C9orf43: variants seen among roughly 807,000 people sequenced by gnomAD.
C9orf43 encodes the protein uncharacterized protein C9orf43.
Under a neutral mutation model 59.1 loss-of-function variants are expected in C9orf43, and 45 were observed. The ratio of observed to expected loss-of-function variants is 0.76; its 90% CI spans 0.60 to 0.98. C9orf43 has a LOEUF of 0.98. C9orf43 is among the 50% of genes least tolerant of loss of function. The pLI, the probability that C9orf43 is intolerant of heterozygous loss-of-function variation, is 0.00. For synonymous variants in C9orf43, 203 were observed against 196.8 expected (o/e 1.03, Z -0.26); for missense variants, 533 against 554.9 (o/e 0.96, Z 0.40).
At chr9:113,423,097 C>T (rs1003100223) in intron 6 of C9orf43, among the ~76,000 whole-genome samples, 1 of 152,050 alleles carries the variant, frequency 6.6e-6, no homozygotes, top group Non-Finnish European at 1.5e-5. Context: ...AGTGAGTAAA[C>T]GAATGACCTT....
Position 113,425,093 on chromosome 9 carries a change from T to C in C9orf43, c.865+17T>C. The C allele has an allele frequency of 1.2e-6, 2 of 1,611,656 alleles. No homozygotes were observed. Among genetic ancestry groups the C allele is most frequent in the Non-Finnish European group, 1.7e-6 (2 of 1,178,164 alleles). Reference sequence around the variant, plus strand: ...AGACAGAAGGTAGATTTGCTGTTGCTGCTGGATCTCTAAGCACCATTTTCT... The same window carrying C: ...AGACAGAAGGTAGATTTGCTGTTGCCGCTGGATCTCTAAGCACCATTTTCT... On this transcript the variant is annotated intron_variant, in intron 9 of 13. Coordinates refer to ENST00000374165, the MANE Select transcript of C9orf43 (RefSeq NM_001278629.2).
rs1828619880 is a variant in C9orf43, at chr9:113,422,557, G to A, written c.455G>A (p.Gly152Glu). Residue 152 changes from glycine to glutamate, a missense_variant, in exon 6 of 14, where the codon GGG becomes GAG. By Grantham distance (98) the Gly-to-Glu change is moderately conservative. Coordinates refer to ENST00000374165, the MANE Select transcript of C9orf43 (RefSeq NM_001278629.2). The part of the protein sequence containing the change: ...EETEIHVSQH[G>E]KKKRKNSAVK... ...GTTTTGTTTTTCTCCAGCCAGCATG[G>A]GAAGAAGAAAAGAAAGAACTCGGCA... is the stretch of plus-strand genomic sequence containing the variant. The A allele has an allele frequency of 6.2e-7, 1 of 1,613,796 alleles. No homozygotes were observed. Among genetic ancestry groups the A allele is most frequent in the South Asian group, 1.1e-5 (1 of 91,042 alleles).
At chr9:113,416,838 G>T (rs1218826444) in intron 3 of C9orf43, among the ~76,000 whole-genome samples, 1 of 152,154 alleles carries the variant, frequency 6.6e-6, no homozygotes, top group Non-Finnish European at 1.5e-5. Context: ...ATGACAACCA[G>T]AAATGCCTCC....
intron 1 of C9orf43, among the ~76,000 whole-genome samples, chr9:113,411,350 T>G (rs968779523): frequency 6.6e-6 from 1 of 151,228 alleles, no homozygotes; most frequent in Non-Finnish European, 1.5e-5. Context: ...CAGGTTGGAG[T>G]GCAGTGGCGC....
At chr9:113,427,301 C>G (rs951901498) in intron 11 of C9orf43, among the ~76,000 whole-genome samples, 1 of 152,066 alleles carries the variant, frequency 6.6e-6, no homozygotes, top group Non-Finnish European at 1.5e-5. Flanking sequence ...TTAGCCTCCC[C>G]GGTAGCTGGG....
chr9:113,424,854 C>T (rs1014164905), intron 8 of C9orf43, among the ~76,000 whole-genome samples, 165 bp from the exon 9 acceptor site: 1 of 152,090 alleles, frequency 6.6e-6, no homozygotes, highest in African/African-American at 2.4e-5. Flanking sequence ...GCACTTTGTT[C>T]CCCACACCTT....
Position 113,419,133 on chromosome 9 carries a change from A to C in C9orf43, c.313A>C (p.Ser105Arg). The C allele has an allele frequency of 1.2e-6, 2 of 1,610,438 alleles. No homozygotes were observed. The highest frequency in any genetic ancestry group is 1.7e-6 in the Non-Finnish European group (2 of 1,178,352). The change falls in exon 4 of 14, where the codon AGT (serine) becomes CGT (arginine). Residue 105 changes from serine (S) to arginine (R), a missense_variant. Coordinates refer to ENST00000374165, the MANE Select transcript of C9orf43 (RefSeq NM_001278629.2). ...GRPPKGLPDKSLINCTNRLPK... is the reference protein window; with the variant it reads ...GRPPKGLPDKRLINCTNRLPK... ...GCCTCCGAAGGGTTTACCTGACAAAAGTTTGATCAACTGTACTAACAGACT... is the reference window on the plus strand; with the variant it reads ...GCCTCCGAAGGGTTTACCTGACAAACGTTTGATCAACTGTACTAACAGACT...
In C9orf43 at chr9:113,421,166, G is replaced by A; in HGVS notation, c.409G>A (p.Val137Ile). 1 of 1,613,534 alleles carries A rather than the reference G, an allele frequency of 6.2e-7. No individual in the cohort carries two copies. Among genetic ancestry groups the A allele is most frequent in the Non-Finnish European group, 8.5e-7 (1 of 1,179,656 alleles). ...CCCTGAAGATGTTAGAAATATGGTT[G>A]TATTGTGGATCCCAGAAGAAACAGA... is the stretch of plus-strand genomic sequence containing the variant. Reference protein sequence around the residue: ...PCPEDVRNMVVLWIPEETEIH... With the variant: ...PCPEDVRNMVILWIPEETEIH... The change falls in exon 5 of 14, where the codon GTA becomes ATA. Residue 137 changes from valine to isoleucine, a missense_variant. Transcript: ENST00000374165.
intron 3 of C9orf43, among the ~76,000 whole-genome samples, chr9:113,418,798 A>G (rs1190418088): frequency 6.6e-6 from 1 of 152,178 alleles, no homozygotes; most frequent in Non-Finnish European, 1.5e-5. Flanking sequence ...GAACATCTAC[A>G]TCAAAGTACT....
chr9:113,424,425 C>A, intron 8 of C9orf43, 109 bp downstream of exon 8: 1 of 1,202,474 alleles, frequency 8.3e-7, no homozygotes, highest in Non-Finnish European at 1.2e-6. Context: ...TCTGCCTTTC[C>A]ACTCTGAACC....
In C9orf43 at chr9:113,410,754, G is replaced by T; in HGVS notation, c.-297G>T. The T allele has an allele frequency of 4.9e-6, 1 of 205,352 alleles. No individual in the cohort carries two copies. Among genetic ancestry groups the T allele is most frequent in the South Asian group, 9.4e-5 (1 of 10,690 alleles). 12.7% of individuals were successfully genotyped at this position (205,352 alleles called of 1,614,324 possible). A position where few individuals can be genotyped will look rare whatever the true frequency, so the allele number is the denominator to read the frequency against. The stretch of plus-strand genomic sequence containing the variant: ...GGCGGGGCGGATCCCTTTAGGACCC[G>T]AGGCAGGCTCTGGGCCCGCCGGGTC... On this transcript the variant is annotated 5_prime_UTR_variant, in exon 1 of 14. Transcript: ENST00000374165.
rs1234479345 is a variant in C9orf43, at chr9:113,413,564, G to A, written c.71G>A (p.Cys24Tyr). The change falls in exon 2 of 14, where the codon TGC (cysteine) becomes TAC (tyrosine). Residue 24 changes from cysteine to tyrosine, a missense_variant. Coordinates refer to ENST00000374165, the MANE Select transcript of C9orf43 (RefSeq NM_001278629.2). ...TTGGCTGTTTGTCAGCACCCACAAT[G>A]CTGGGCAACTATCCGCCGCATTGAG... ...CGLAVCQHPQ[C>Y]WATIRRIERG... 2 of 1,614,098 alleles carry A rather than the reference G, an allele frequency of 1.2e-6. No homozygotes were observed. The highest frequency in any genetic ancestry group is 1.7e-6 in the Non-Finnish European group (2 of 1,180,046).
chr9:113,426,871 G>A (rs1172645004), intron 11 of C9orf43, among the ~76,000 whole-genome samples: 1 of 152,176 alleles, frequency 6.6e-6, no homozygotes, highest in Non-Finnish European at 1.5e-5. Flanking sequence ...AGTTGAGAAA[G>A]GCTTTATGGA....
At position 113,413,523 on chromosome 9, in the gene C9orf43, C is replaced by T. The variant is rs763996934; in HGVS notation, c.30C>T (p.Asp10=). The change falls in exon 2 of 14, where the codon GAC becomes GAT. Residue 10 remains aspartate (D), a synonymous_variant. Coordinates refer to ENST00000374165, the MANE Select transcript of C9orf43 (RefSeq NM_001278629.2). ...ACTTGCCAGATGAGAGCCAGTGGGACGAAACCACCTGTGGCTTGGCTGTTT... is the reference window on the plus strand; with the variant it reads ...ACTTGCCAGATGAGAGCCAGTGGGATGAAACCACCTGTGGCTTGGCTGTTT... MDLPDESQW[D]ETTCGLAVCQ... is the part of the protein sequence containing the mutation. The T allele has an allele frequency of 2.7e-5, 44 of 1,613,778 alleles. No homozygotes were observed. Among genetic ancestry groups the T allele is most frequent in the Middle Eastern group, 1.6e-4 (1 of 6,082 alleles).
At position 113,429,252 on chromosome 9, in the gene C9orf43, A is replaced by G. The variant is rs952183507; in HGVS notation, c.1252A>G (p.Arg418Gly). 1.2e-6 allele frequency: 2 copies of G among 1,614,124 alleles called. No homozygotes were observed. Among genetic ancestry groups the G allele is most frequent in the Non-Finnish European group, 1.7e-6 (2 of 1,180,036 alleles). Residue 418 changes from arginine to glycine, a missense_variant, in exon 14 of 14, where the codon AGG becomes GGG. Transcript: ENST00000374165. ...CGCTGTGCCAGAAGCCCAGGCTGCC[A>G]GGCAAAAGAAGATCTCCTTTAACTT... The part of the protein sequence containing the change: ...VDAVPEAQAA[R>G]QKKISFNFSE...
chr9:113,412,663 G>T (rs2119050740), intron 1 of C9orf43, among the ~76,000 whole-genome samples: 1 of 152,306 alleles, frequency 6.6e-6, no homozygotes, highest in South Asian at 2.1e-4. Context: ...GGGATTCCCT[G>T]CCTTCTGCTT....
chr9:113,420,789 G>A lies in C9orf43; in HGVS notation c.346-314G>A, dbSNP rs897134670. The A allele has an allele frequency of 3.3e-5, 33 of 985,228 alleles. No individual in the cohort carries two copies. The African/African-American group carries it at 5.8e-4, about 17-fold the overall frequency. The allele number at this position is 985,228 out of a possible 1,614,324, so 61.0% of individuals were successfully genotyped here. A position where few individuals can be genotyped will look rare whatever the true frequency, so the allele number is the denominator to read the frequency against. On this transcript the variant is annotated intron_variant, in intron 4 of 13. Coordinates refer to ENST00000374165, the MANE Select transcript of C9orf43 (RefSeq NM_001278629.2). ...TAAGTCTTTGGAGTGGAGTGGGCAG[G>A]ATAAGTAATGTTCCTGTAGGTAAGC...
At chr9:113,428,289 A>G in intron 12 of C9orf43, 66 bp downstream of exon 12, 2 of 1,393,234 alleles carry the variant, frequency 1.4e-6, no homozygotes, top group Non-Finnish European at 2.0e-6. Context: ...TAACAACCCC[A>G]AAGCTTAACC....
intron 3 of C9orf43, among the ~76,000 whole-genome samples, chr9:113,415,782 C>T (rs1030713715): frequency 2.0e-5 from 3 of 151,990 alleles, no homozygotes; most frequent in African/African-American, 7.2e-5. Context: ...TTAAAAAATT[C>T]GAAGACTTTG....
Sources: allele counts gnomAD v4.1 joint callset (sites outside exome capture counted in the v4.1 genomes callset), GRCh38; gene constraint gnomAD v4.1.1; transcripts MANE v1.5; gene names NCBI Gene and HGNC (gene_info 2026-07-23, HGNC 2026-07-21).